COQ5: variants seen among roughly 807,000 people sequenced by gnomAD.
COQ5 encodes coenzyme Q5, methyltransferase.
COQ5 carries 27 observed loss-of-function variants against 40.5 expected under a neutral mutation model. The ratio of observed to expected loss-of-function variants is 0.67; its 90% CI spans 0.49 to 0.92. The LOEUF is 0.92. COQ5 is among the 40% of genes least tolerant of loss of function. COQ5 has a pLI of 0.00. For missense variants in COQ5, 409 were observed against 406.4 expected, an observed-to-expected ratio of 1.01 and a Z score of -0.06; for synonymous variants, 141 against 150.0, an observed-to-expected ratio of 0.94 and a Z score of 0.44.
chr12:120,516,731 TTC>T lies in COQ5; in HGVS notation c.408_409del (p.Lys137GlufsTer21). ...ATTTTGTTGGGCCCTTAACTGCCTC[TTC>T]TGTTTTCTCTGATGCTGGGACTGAA... On this transcript the variant is annotated frameshift_variant, in exon 3 of 7. Transcript: ENST00000288532. LOFTEE classifies it high-confidence loss of function. 6.2e-7 allele frequency: 1 copy of T among 1,614,224 alleles called. No homozygotes were observed. The highest frequency in any genetic ancestry group is 8.5e-7 in the Non-Finnish European group (1 of 1,180,022).
intron 1 of COQ5, chr12:120,522,808 C>T: frequency 1.5e-6 from 1 of 672,972 alleles, no homozygotes; most frequent in Non-Finnish European, 2.6e-6. Context: ...ATTTCCCAAG[C>T]CTGGGGGTGG....
intron 2 of COQ5, among the ~76,000 whole-genome samples, chr12:120,520,222 C>A (rs956429338): frequency 4.6e-5 from 7 of 151,924 alleles, no homozygotes; most frequent in Non-Finnish European, 1.0e-4. Context: ...CGGCTCACTG[C>A]AACCTCTGCC....
intron 5 of COQ5, chr12:120,504,691 T>C: frequency 1.7e-6 from 1 of 581,402 alleles, no homozygotes; most frequent in Non-Finnish European, 3.1e-6. Flanking sequence ...GGCTTCTAAG[T>C]CAATTTCTTA....
intron 6 of COQ5, 23 bp downstream of exon 6, chr12:120,503,947 T>A: frequency 6.2e-7 from 1 of 1,600,278 alleles, no homozygotes; most frequent in Non-Finnish European, 8.6e-7. Context: ...GGGCCTTTGT[T>A]TAAAGCTATA....
intron 2 of COQ5, among the ~76,000 whole-genome samples, chr12:120,517,398 C>T (rs938761556): frequency 2.0e-5 from 3 of 149,156 alleles, no homozygotes; most frequent in African/African-American, 2.5e-5. Flanking sequence ...AGGCCGGGCG[C>T]GGTGGCTCAT....
At chr12:120,511,712 T>G (rs1207040516) in intron 3 of COQ5, among the ~76,000 whole-genome samples, 1 of 152,220 alleles carries the variant, frequency 6.6e-6, no homozygotes, top group Non-Finnish European at 1.5e-5. Flanking sequence ...AGCTATGGCA[T>G]ATCACCTCCT....
At chr12:120,526,701 T>TTTTTTTTTTC in intron 1 of COQ5, among the ~76,000 whole-genome samples, 1 of 40,470 alleles carries the variant, frequency 2.5e-5, no homozygotes, top group African/African-American at 9.1e-5. Context: ...CTTGGCAATT[T>TTTTTTTTTTC]TTTTTTTTTT....
chr12:120,509,875 C>G, intron 4 of COQ5, 142 bp downstream of exon 4: 1 of 699,706 alleles, frequency 1.4e-6, no homozygotes, highest in Non-Finnish European at 2.6e-6. Flanking sequence ...TGCTTGAGCC[C>G]AGGAGTTTGA....
At position 120,509,952 on chromosome 12, in the gene COQ5, C is replaced by T. The variant is rs957033838; in HGVS notation, c.681+65G>A. ...AAAACTCTCCTTCTTTCCTCACTCA[C>T]TGTAGCTCTACAACAGAGGTAATTT... On this transcript the variant is annotated intron_variant, in intron 4 of 6. Coordinates refer to ENST00000288532, the MANE Select transcript of COQ5 (RefSeq NM_032314.4). 21 of 1,275,820 alleles carry T rather than the reference C, an allele frequency of 1.6e-5. No individual in the cohort carries two copies. In the Admixed American group the frequency reaches 3.0e-4, roughly 18 times the overall value. 79.0% of individuals were successfully genotyped at this position (1,275,820 alleles called of 1,614,324 possible).
At chr12:120,526,572 A>G (rs1869953134) in intron 1 of COQ5, 2 of 414,322 alleles carry the variant, frequency 4.8e-6, no homozygotes, top group South Asian at 3.6e-5. Flanking sequence ...TAACATTGAA[A>G]GCACAAAGGA....
At chr12:120,516,833 T>C in intron 2 of COQ5, 45 bp from the exon 3 acceptor site, 1 of 1,542,094 alleles carries the variant, frequency 6.5e-7, no homozygotes, top group South Asian at 1.1e-5. Context: ...AAAACAAAAA[T>C]AAAAAAGGAA....
rs14017 is a variant in COQ5, at chr12:120,503,641, T to C, written c.*143A>G. 40,706 of 723,708 alleles carry C rather than the reference T, an allele frequency of 0.056. 1,557 individuals carry two copies. The highest frequency in any genetic ancestry group is 0.1 in the South Asian group (6,929 of 67,496). The allele number at this position is 723,708 out of a possible 1,614,324, so 44.8% of individuals were successfully genotyped here. On this transcript the variant is annotated 3_prime_UTR_variant, in exon 7 of 7. Transcript: ENST00000288532. Reference sequence around the variant, plus strand: ...GTGACAAGAATTTGTTCTTCCACTTTGAGACTGTTCGATTCAAACATGAGT... The same window carrying C: ...GTGACAAGAATTTGTTCTTCCACTTCGAGACTGTTCGATTCAAACATGAGT...
chr12:120,527,718 C>T (rs1268928788), intron 1 of COQ5, among the ~76,000 whole-genome samples: 1 of 151,942 alleles, frequency 6.6e-6, no homozygotes, highest in African/African-American at 2.4e-5. Context: ...TGTGGTGGCT[C>T]ATGCCTGTAA....
chr12:120,519,101 AATAG>A (rs1869525406), intron 2 of COQ5, among the ~76,000 whole-genome samples: 1 of 152,252 alleles, frequency 6.6e-6, no homozygotes, highest in African/African-American at 2.4e-5. Flanking sequence ...TATTGTTTTA[AATAG>A]ATAAACAATA....
At chr12:120,528,480 G>C (rs558633702) in intron 1 of COQ5, among the ~76,000 whole-genome samples, 4 of 152,136 alleles carry the variant, frequency 2.6e-5, no homozygotes, top group Admixed American at 6.6e-5. Context: ...CAAACGCTCA[G>C]TTGATGGGAT....
chr12:120,505,717 C>T (rs1248408300), intron 4 of COQ5, among the ~76,000 whole-genome samples: 8 of 151,974 alleles, frequency 5.3e-5, no homozygotes, highest in East Asian at 1.9e-4. Context: ...CCACCACACC[C>T]GGCTAATTTT....
At chr12:120,508,197 T>C (rs1402584937) in intron 4 of COQ5, among the ~76,000 whole-genome samples, 1 of 152,032 alleles carries the variant, frequency 6.6e-6, no homozygotes, top group African/African-American at 2.4e-5. Context: ...GGTTTCACCA[T>C]GTTGGCCAGG....
intron 3 of COQ5, among the ~76,000 whole-genome samples, chr12:120,515,932 A>C (rs1272393890): frequency 6.6e-6 from 1 of 152,034 alleles, no homozygotes; most frequent in Non-Finnish European, 1.5e-5. Context: ...TTATTGTTTA[A>C]GTTTCTTTAG....
chr12:120,525,576 T>TGTGAATAGACATTGTACCC (rs1869895824), intron 1 of COQ5, among the ~76,000 whole-genome samples: 1 of 152,044 alleles, frequency 6.6e-6, no homozygotes, highest in Admixed American at 6.6e-5. Context: ...TGATTGTGCC[T>TGTGAATAGACATTGTACCC]GTGAATAGAC....
Sources: gnomAD v4.1 joint callset for allele counts (sites outside exome capture counted in the v4.1 genomes callset) on GRCh38, gnomAD v4.1.1 for gene constraint, MANE v1.5 for transcripts, NCBI Gene and HGNC (gene_info 2026-07-23, HGNC 2026-07-21) for gene names.